PEBP4: variants seen among roughly 807,000 people sequenced by gnomAD.
PEBP4 encodes the protein phosphatidylethanolamine-binding protein 4.
A neutral mutation model predicts 23.9 loss-of-function variants in PEBP4; 22 were observed. That is an observed-to-expected ratio of 0.92 (90% confidence interval 0.66 to 1.31). PEBP4 has a LOEUF of 1.31. Among genes scored for constraint, PEBP4 ranks in the 40% most tolerant of loss-of-function variants. PEBP4 has a pLI of 0.00. For missense variants in PEBP4, 324 were observed against 281.7 expected, an observed-to-expected ratio of 1.15 and a Z score of -1.07; for synonymous variants, 112 against 99.3, an observed-to-expected ratio of 1.13 and a Z score of -0.76.
rs748892748 is a variant in PEBP4 at position 22,713,408 on chromosome 8, G to C, written c.646C>G (p.Pro216Ala). The C allele has an allele frequency of 6.2e-7, 1 of 1,608,324 alleles. No individual in the cohort carries two copies. The change falls in exon 7 of 7, where the codon CCC becomes GCC. Residue 216 changes from proline to alanine, a missense_variant. Physicochemically the swap from Pro to Ala is conservative, Grantham distance 27. Transcript: ENST00000256404. The part of the protein sequence containing the change: ...LQAPRERASE[P>A]KHKNQAEIAA... ...ATCTCCGCCTGGTTTTTGTGCTTGG[G>C]CTCGCTGGCCCTTTCTCTGGGAGCC...
At chr8:22,801,028 A>G (rs979405245) in intron 4 of PEBP4, among the ~76,000 whole-genome samples, 7 of 152,012 alleles carry the variant, frequency 4.6e-5, no homozygotes, top group Non-Finnish European at 1.0e-4. Context: ...AGCCTCCCCA[A>G]GGGCAGGCTC....
intron 4 of PEBP4, among the ~76,000 whole-genome samples, chr8:22,766,689 C>T (rs372206790): frequency 1.3e-5 from 2 of 152,144 alleles, no homozygotes; most frequent in African/African-American, 2.4e-5. Flanking sequence ...GCACCCGGGG[C>T]GGCGGTTGGG....
Position 22,731,698 on chromosome 8 carries a change from G to A in PEBP4, c.358-4478C>T, listed in dbSNP as rs1006602008. The stretch of plus-strand genomic sequence containing the variant: ...TTTTGAGACGGAGTCTCGCTCTGTC[G>A]CCCAGGCTGGAGTGCAGTGGCACGA... On this transcript the variant is annotated intron_variant, in intron 4 of 6. Transcript: ENST00000256404. Among the ~76,000 whole-genome samples the A allele has an allele frequency of 4.6e-5, 7 of 150,686 alleles. 1 individual carries two copies. The highest frequency in any genetic ancestry group is 3.3e-4 in the Admixed American group (5 of 15,140).
At chr8:22,857,933 C>G (rs1327514835) in intron 3 of PEBP4, among the ~76,000 whole-genome samples, 1 of 152,140 alleles carries the variant, frequency 6.6e-6, no homozygotes, top group African/African-American at 2.4e-5. Flanking sequence ...CTTACATGCC[C>G]CTGGTGCATG....
intron 5 of PEBP4, 105 bp downstream of exon 5, chr8:22,727,070 T>A: frequency 7.8e-7 from 1 of 1,288,196 alleles, no homozygotes; most frequent in Non-Finnish European, 1.1e-6. Context: ...AAGAAAACTC[T>A]CAGGCTGGTG....
At chr8:22,914,503 T>C (rs1809026767) in intron 3 of PEBP4, among the ~76,000 whole-genome samples, 1 of 152,162 alleles carries the variant, frequency 6.6e-6, no homozygotes, top group South Asian at 2.1e-4. Flanking sequence ...TGGGATCCAC[T>C]CCTCATTCAC....
chr8:22,769,568 G>A (rs1400444416), intron 4 of PEBP4, among the ~76,000 whole-genome samples: 1 of 152,036 alleles, frequency 6.6e-6, no homozygotes, highest in East Asian at 1.9e-4. Context: ...TGTCTTGCCT[G>A]CAGCCTAGAG....
chr8:22,768,579 C>T (rs972943405), intron 4 of PEBP4, among the ~76,000 whole-genome samples: 3 of 152,190 alleles, frequency 2.0e-5, no homozygotes, highest in Non-Finnish European at 4.4e-5. Flanking sequence ...AGTTTTCACC[C>T]AGCCCTTCGG....
chr8:22,802,039 C>CTTCCA (rs1454043357), intron 4 of PEBP4, among the ~76,000 whole-genome samples: 6 of 152,146 alleles, frequency 3.9e-5, no homozygotes. Context: ...GGCATCTGTC[C>CTTCCA]TTCCACCCTG....
intron 6 of PEBP4, among the ~76,000 whole-genome samples, chr8:22,722,539 A>G (rs1192563156): frequency 6.6e-6 from 1 of 152,248 alleles, no homozygotes; most frequent in Non-Finnish European, 1.5e-5. Context: ...GAGTCCACAG[A>G]CTTCCAATTG....
intron 3 of PEBP4, among the ~76,000 whole-genome samples, chr8:22,858,134 G>A (rs897274393): frequency 6.6e-6 from 1 of 152,172 alleles, no homozygotes; most frequent in Non-Finnish European, 1.5e-5. Flanking sequence ...CAGTGAGAAG[G>A]GATAGCTTCA....
At chr8:22,902,105 G>C (rs1039752587) in intron 3 of PEBP4, among the ~76,000 whole-genome samples, 28 of 151,964 alleles carry the variant, frequency 1.8e-4, no homozygotes, top group African/African-American at 6.8e-4. Flanking sequence ...GATCACCTGA[G>C]GTTAGGAGTT....
chr8:22,766,601 C>G (rs1001828222), intron 4 of PEBP4, among the ~76,000 whole-genome samples: 8 of 152,228 alleles, frequency 5.3e-5, no homozygotes, highest in African/African-American at 1.9e-4. Flanking sequence ...TGACACATCC[C>G]TGCACATTGC....
chr8:22,729,167 G>T (rs565200688), intron 4 of PEBP4, among the ~76,000 whole-genome samples: 1 of 152,182 alleles, frequency 6.6e-6, no homozygotes, highest in African/African-American at 2.4e-5. Flanking sequence ...TCTCCTTGCC[G>T]CCCATCTCTT....
At chr8:22,801,651 C>T (rs1028858942) in intron 4 of PEBP4, among the ~76,000 whole-genome samples, 1 of 152,048 alleles carries the variant, frequency 6.6e-6, no homozygotes, top group African/African-American at 2.4e-5. Context: ...CTGAGCTTAC[C>T]CCTTGGGAAA....
intron 3 of PEBP4, among the ~76,000 whole-genome samples, chr8:22,869,330 G>A (rs1807963882): frequency 6.6e-6 from 1 of 152,140 alleles, no homozygotes; most frequent in African/African-American, 2.4e-5. Context: ...ATATATTTAT[G>A]TTTGTTTATT....
intron 4 of PEBP4, among the ~76,000 whole-genome samples, chr8:22,805,778 T>A (rs529651378): frequency 1.4e-5 from 2 of 147,484 alleles, no homozygotes; most frequent in East Asian, 4.0e-4. Flanking sequence ...CTTTAAAAAA[T>A]AAAGTCTATT....
At chr8:22,740,526 A>G (rs1214539336) in intron 4 of PEBP4, among the ~76,000 whole-genome samples, 2 of 152,126 alleles carry the variant, frequency 1.3e-5, no homozygotes, top group Non-Finnish European at 2.9e-5. Flanking sequence ...CCTCAGCACC[A>G]CCACAGCAGC....
intron 5 of PEBP4, among the ~76,000 whole-genome samples, chr8:22,725,163 G>T (rs1337286033): frequency 6.6e-6 from 1 of 152,042 alleles, no homozygotes; most frequent in Non-Finnish European, 1.5e-5. Context: ...GAGAGTGGGG[G>T]AGGAGGTGGT....
Sources: allele counts gnomAD v4.1 joint callset (sites outside exome capture counted in the v4.1 genomes callset), GRCh38; gene constraint gnomAD v4.1.1; transcripts MANE v1.5; gene names NCBI Gene and HGNC (gene_info 2026-07-23, HGNC 2026-07-21).